TUBA8: variants seen among roughly 807,000 people sequenced by gnomAD.
TUBA8 encodes tubulin alpha 8.
TUBA8 carries 29 observed loss-of-function variants against 34.7 expected under a neutral mutation model. The ratio of observed to expected loss-of-function variants is 0.84; its 90% CI spans 0.62 to 1.14. The LOEUF is 1.14. Among genes scored for constraint, TUBA8 ranks in the 50% most tolerant of loss-of-function variants. The pLI is 0.00. For synonymous variants in TUBA8, 226 were observed against 231.2 expected, an observed-to-expected ratio of 0.98 and a Z score of 0.21; for missense variants, 541 against 599.2, an observed-to-expected ratio of 0.90 and a Z score of 1.01.
At chr22:18,116,702 C>G (rs554784667) in intron 1 of TUBA8, 1 of 152,258 alleles carries the variant, frequency 6.6e-6, no homozygotes, top group Admixed American at 6.5e-5. Flanking sequence ...CGTGAGGATG[C>G]GTCCCACGGG....
At position 18,118,851 on chromosome 22, in the gene TUBA8, G is replaced by T. The variant is rs1465718769; in HGVS notation, c.4-2628G>T. On this transcript the variant is annotated intron_variant, in intron 1 of 4. Coordinates refer to ENST00000330423, the MANE Select transcript of TUBA8 (RefSeq NM_018943.3). The surrounding 1 kb of genome is among the most constrained non-coding windows in gnomAD (Gnocchi z 4.0). ...GAGATTAATGAGGGCATTAAAAGAG[G>T]CTAAAGACGTTGTCACCATGCTAGT... The T allele has an allele frequency of 6.6e-6, 1 of 152,182 alleles. No homozygotes were observed. The highest frequency in any genetic ancestry group is 1.5e-5 in the Non-Finnish European group (1 of 68,050). 9.4% of individuals were successfully genotyped at this position (152,182 alleles called of 1,614,324 possible). A position where few individuals can be genotyped will look rare whatever the true frequency, so the allele number is the denominator to read the frequency against.
In TUBA8 at chr22:18,118,030, G is replaced by A. The variant is rs914937310; in HGVS notation, c.4-3449G>A. 24 of 152,152 alleles carry A rather than the reference G, an allele frequency of 1.6e-4. No individual in the cohort carries two copies. The highest frequency in any genetic ancestry group is 1.6e-3 in the Admixed American group (24 of 15,260). 9.4% of individuals were successfully genotyped at this position (152,152 alleles called of 1,614,324 possible). On this transcript the variant is annotated intron_variant, in intron 1 of 4. Transcript: ENST00000330423. The surrounding 1 kb of genome is among the most constrained non-coding windows in gnomAD (Gnocchi z 4.0). ...GTGTCACATTGCGTCCCATCAGGAGGTCCTCGATGTCGGGTTGGCCCACAG... is the reference window on the plus strand; with the variant it reads ...GTGTCACATTGCGTCCCATCAGGAGATCCTCGATGTCGGGTTGGCCCACAG...
Position 18,126,009 on chromosome 22 carries a change from G to T in TUBA8, c.376-345G>T. 1 of 335,954 alleles carries T rather than the reference G, an allele frequency of 3.0e-6. No homozygotes were observed. The highest frequency in any genetic ancestry group is 7.9e-5 in the East Asian group (1 of 12,636). 20.8% of individuals were successfully genotyped at this position (335,954 alleles called of 1,614,324 possible). On this transcript the variant is annotated intron_variant, in intron 3 of 4. Coordinates refer to ENST00000330423, the MANE Select transcript of TUBA8 (RefSeq NM_018943.3). This position sits in a 1 kb window ranked among gnomAD's most constrained non-coding sequence, Gnocchi z 4.0. ...CCCAAGTAACTGGGACTACAGGTGT[G>T]CATCACCACGCCCAGTTAACTTTTA...
intron 1 of TUBA8, chr22:18,112,386 G>A (rs543304534): frequency 6.6e-6 from 1 of 152,258 alleles, no homozygotes; most frequent in East Asian, 1.9e-4. Flanking sequence ...TGAAGCAAAT[G>A]CTAGGCTGCA....
At chr22:18,123,978 C>G (rs1334148449) in intron 2 of TUBA8, 178 bp from the exon 3 acceptor site, 5 of 736,836 alleles carry the variant, frequency 6.8e-6, no homozygotes, top group Middle Eastern at 3.7e-4. Flanking sequence ...CTCTGTTAGT[C>G]CCTGAGCTAC....
chr22:18,114,442 C>T (rs7290794), intron 1 of TUBA8: 9,519 of 152,248 alleles, frequency 0.063, 368 homozygotes, highest in Admixed American at 0.088. Context: ...GAATTTAGGC[C>T]GACTTTGTTT....
Position 18,111,223 on chromosome 22 carries a change from G to A in TUBA8, c.3+355G>A, listed in dbSNP as rs1006062322. On this transcript the variant is annotated intron_variant, in intron 1 of 4. Transcript: ENST00000330423. The surrounding 1 kb of genome is among the most constrained non-coding windows in gnomAD (Gnocchi z 5.1). ...AGAGTGGAGAGAAGGGCGAGTCCGG[G>A]GATTCTGGATGGGTGGTCTGGGCCG... 3 of 399,454 alleles carry A rather than the reference G, an allele frequency of 7.5e-6. No individual in the cohort carries two copies. The highest frequency in any genetic ancestry group is 1.4e-5 in the Non-Finnish European group (3 of 222,126). 24.7% of individuals were successfully genotyped at this position (399,454 alleles called of 1,614,324 possible). A position where few individuals can be genotyped will look rare whatever the true frequency, so the allele number is the denominator to read the frequency against.
Position 18,131,472 on chromosome 22 carries a change from T to A in TUBA8, c.*336T>A, listed in dbSNP as rs887346824. ...GGTCCAGCCCCAAAACATGGCCTGC[T>A]GGCTGGGGAGTGGGAACACTCAGAG... is the stretch of plus-strand genomic sequence containing the variant. On this transcript the variant is annotated 3_prime_UTR_variant, in exon 5 of 5. Coordinates refer to ENST00000330423, the MANE Select transcript of TUBA8 (RefSeq NM_018943.3). This position sits in a 1 kb window ranked among gnomAD's most constrained non-coding sequence, Gnocchi z 5.3. 4 of 342,658 alleles carry A rather than the reference T, an allele frequency of 1.2e-5. No homozygotes were observed. In the Admixed American group the frequency reaches 1.3e-4, roughly 11 times the overall value. The allele number at this position is 342,658 out of a possible 1,614,324, so 21.2% of individuals were successfully genotyped here.
intron 4 of TUBA8, 86 bp from the exon 5 acceptor site, chr22:18,130,757 C>T: frequency 1.3e-6 from 2 of 1,580,536 alleles, no homozygotes; most frequent in East Asian, 2.2e-5. Flanking sequence ...GAAGCCATGC[C>T]AAGTGACCAA....
At position 18,126,976 on chromosome 22, in the gene TUBA8, C is replaced by A; in HGVS notation, c.998C>A (p.Ala333Asp). Reference protein sequence around the residue: ...VVPKDVNVAIAAIKTKRTIQF... With the variant: ...VVPKDVNVAIDAIKTKRTIQF... ...CCCAAGGATGTGAATGTCGCTATTG[C>A]TGCCATCAAGACCAAGAGGACCATC... The change falls in exon 4 of 5, where the codon GCT (alanine) becomes GAT (aspartate). Residue 333 changes from alanine to aspartate, a missense_variant. Ala to Asp is a moderately radical substitution (Grantham distance 126). Coordinates refer to ENST00000330423, the MANE Select transcript of TUBA8 (RefSeq NM_018943.3). The surrounding 1 kb of genome is among the most constrained non-coding windows in gnomAD (Gnocchi z 4.0). The A allele has an allele frequency of 6.2e-7, 1 of 1,613,804 alleles. No individual in the cohort carries two copies. The highest frequency in any genetic ancestry group is 8.5e-7 in the Non-Finnish European group (1 of 1,179,874).
In TUBA8 at chr22:18,118,709, G is replaced by C. The variant is rs1928050342; in HGVS notation, c.4-2770G>C. On this transcript the variant is annotated intron_variant, in intron 1 of 4. Coordinates refer to ENST00000330423, the MANE Select transcript of TUBA8 (RefSeq NM_018943.3). This position sits in a 1 kb window ranked among gnomAD's most constrained non-coding sequence, Gnocchi z 4.0. ...ATTTTATGCCTCCAATTATTCTTAT[G>C]AGCTAGTTCAATAGGAAAAATAGCT... 6.6e-6 allele frequency: 1 copy of C among 152,144 alleles called. No individual in the cohort carries two copies. The highest frequency in any genetic ancestry group is 2.1e-4 in the South Asian group (1 of 4,824). The allele number at this position is 152,144 out of a possible 1,614,324, so 9.4% of individuals were successfully genotyped here. A position where few individuals can be genotyped will look rare whatever the true frequency, so the allele number is the denominator to read the frequency against.
Position 18,126,863 on chromosome 22 carries a change from C to CT in TUBA8, c.888dup (p.Glu297Ter), listed in dbSNP as rs1433169203. 1.6e-5 allele frequency: 25 copies of CT among 1,611,842 alleles called. No individual in the cohort carries two copies. Among genetic ancestry groups the CT allele is most frequent in the Non-Finnish European group, 2.0e-5 (24 of 1,178,762 alleles). ...CTGTGGCCGAGATAACCAGCTCCTGCTTTGAGCCCAACAGCCAGATGGTGA... is the reference window on the plus strand; with the variant it reads ...CTGTGGCCGAGATAACCAGCTCCTGCTTTTGAGCCCAACAGCCAGATGGTGA... On this transcript the variant is annotated frameshift_variant, in exon 4 of 5. Coordinates refer to ENST00000330423, the MANE Select transcript of TUBA8 (RefSeq NM_018943.3). LOFTEE classifies it high-confidence loss of function. The surrounding 1 kb of genome is among the most constrained non-coding windows in gnomAD (Gnocchi z 4.0).
Position 18,118,172 on chromosome 22 carries a change from C to T in TUBA8, c.4-3307C>T, listed in dbSNP as rs1948619326. Reference sequence around the variant, plus strand: ...GGCGAAGATCCAGTTCCCCATCAGTCTTTCACCTAATGGTGTTGGCGTTCT... The same window carrying T: ...GGCGAAGATCCAGTTCCCCATCAGTTTTTCACCTAATGGTGTTGGCGTTCT... On this transcript the variant is annotated intron_variant, in intron 1 of 4. Coordinates refer to ENST00000330423, the MANE Select transcript of TUBA8 (RefSeq NM_018943.3). The surrounding 1 kb of genome is among the most constrained non-coding windows in gnomAD (Gnocchi z 4.0). The T allele has an allele frequency of 6.6e-6, 1 of 152,194 alleles. No homozygotes were observed. The highest frequency in any genetic ancestry group is 1.5e-5 in the Non-Finnish European group (1 of 68,036). 9.4% of individuals were successfully genotyped at this position (152,194 alleles called of 1,614,324 possible).
chr22:18,110,855 C>G lies in TUBA8; in HGVS notation c.-11C>G. 1 of 1,545,518 alleles carries G rather than the reference C, an allele frequency of 6.5e-7. No individual in the cohort carries two copies. The highest frequency in any genetic ancestry group is 8.7e-7 in the Non-Finnish European group (1 of 1,151,678). ...CAGCTGAGAGGTGCGCGGGCGAGGA[C>G]AGCGGCAGCGATGGTGAGGCTTCCC... On this transcript the variant is annotated 5_prime_UTR_variant, in exon 1 of 5. Transcript: ENST00000330423. The surrounding 1 kb of genome is among the most constrained non-coding windows in gnomAD (Gnocchi z 6.2).
At chr22:18,116,051 C>T (rs577170809) in intron 1 of TUBA8, 8 of 152,376 alleles carry the variant, frequency 5.3e-5, no homozygotes, top group African/African-American at 1.9e-4. Flanking sequence ...GGCATGTGCT[C>T]TGATTGGCTA....
chr22:18,113,058 G>A (rs1424911997), intron 1 of TUBA8: 1 of 152,134 alleles, frequency 6.6e-6, no homozygotes, highest in South Asian at 2.1e-4. Context: ...GTAGGCTCTG[G>A]GCAAGAAAAG....
chr22:18,114,409 G>A (rs982747214), intron 1 of TUBA8: 4 of 152,244 alleles, frequency 2.6e-5, no homozygotes, highest in East Asian at 1.9e-4. Context: ...CCCCTCTCGC[G>A]AGCCACCTTC....
In TUBA8 at chr22:18,110,890, C is replaced by A. The variant is rs757680743; in HGVS notation, c.3+22C>A. The A allele has an allele frequency of 3.2e-6, 5 of 1,545,004 alleles. No individual in the cohort carries two copies. Among genetic ancestry groups the A allele is most frequent in the African/African-American group, 1.4e-5 (1 of 73,774 alleles). On this transcript the variant is annotated intron_variant, in intron 1 of 4. Coordinates refer to ENST00000330423, the MANE Select transcript of TUBA8 (RefSeq NM_018943.3). This position sits in a 1 kb window ranked among gnomAD's most constrained non-coding sequence, Gnocchi z 6.2. ...GATGGTGAGGCTTCCCGGGGCCAGG[C>A]GGGCTGCGGGCGCGCGGCAGGCGTA...
intron 2 of TUBA8, chr22:18,122,039 C>G (rs1447539015): frequency 1.0e-5 from 3 of 288,370 alleles, no homozygotes. Flanking sequence ...AGCAATTTCC[C>G]TAAGTATAGG....
Sources: gnomAD v4.1 joint callset for allele counts on GRCh38, gnomAD v4.1.1 for gene constraint, Gnocchi (gnomAD v3.1) non-coding constraint, MANE v1.5 for transcripts, NCBI Gene and HGNC (gene_info 2026-07-23, HGNC 2026-07-21) for gene names.